FSHR: variants seen among roughly 807,000 people sequenced by gnomAD.
FSHR encodes the protein follicle-stimulating hormone receptor.
In FSHR, 46 loss-of-function variants were observed where a neutral mutation model predicts 52.1. That is an observed-to-expected ratio of 0.88 (90% confidence interval 0.70 to 1.13). The LOEUF is 1.13. Ranked by LOEUF, FSHR falls within the 50% of genes most tolerant of loss-of-function variation. The pLI is 0.00. For synonymous variants in FSHR, 399 were observed against 309.6 expected (o/e 1.29, Z -3.03); for missense variants, 964 against 834.6 (o/e 1.16, Z -1.91).
At chr2:49,113,141 C>G (rs1168118037) in intron 1 of FSHR, among the ~76,000 whole-genome samples, 1 of 152,142 alleles carries the variant, frequency 6.6e-6, no homozygotes, top group Admixed American at 6.6e-5. Flanking sequence ...TCTTCACTAC[C>G]AGCCTTGACT....
At chr2:49,021,520 C>T (rs1302424340) in intron 2 of FSHR, among the ~76,000 whole-genome samples, 1 of 151,562 alleles carries the variant, frequency 6.6e-6, no homozygotes, top group African/African-American at 2.4e-5. Flanking sequence ...TCTAGAAAGG[C>T]TCTTGATCAA....
chr2:49,061,215 C>T (rs1044139071), intron 2 of FSHR, among the ~76,000 whole-genome samples: 1 of 152,082 alleles, frequency 6.6e-6, no homozygotes, highest in Non-Finnish European at 1.5e-5. Flanking sequence ...CCTCAAGACC[C>T]AGGTGCCATA....
intron 2 of FSHR, among the ~76,000 whole-genome samples, chr2:49,056,338 T>C (rs921574780): frequency 7.3e-5 from 11 of 151,650 alleles, no homozygotes; most frequent in Admixed American, 6.6e-4. Context: ...GGAATAGCTA[T>C]ACTTACATCA....
At chr2:49,017,451 T>C in intron 4 of FSHR, 38 bp downstream of exon 4, 1 of 1,465,664 alleles carries the variant, frequency 6.8e-7, no homozygotes, top group South Asian at 1.1e-5. Context: ...TTGCACTATT[T>C]AATCATAGTG....
chr2:49,087,614 ACAGGATCAATCATG>A (rs1345746940), intron 1 of FSHR, among the ~76,000 whole-genome samples: 4 of 152,210 alleles, frequency 2.6e-5, no homozygotes, highest in Non-Finnish European at 5.9e-5. Flanking sequence ...TGGAATGAAA[ACAGGATCAATCATG>A]CATAAAGTAA....
intron 4 of FSHR, among the ~76,000 whole-genome samples, chr2:49,007,455 T>G (rs1260384696): frequency 6.6e-6 from 1 of 152,104 alleles, no homozygotes; most frequent in African/African-American, 2.4e-5. Context: ...TGGAATTATT[T>G]TGAATAGGGA....
intron 3 of FSHR, 122 bp from the exon 4 acceptor site, chr2:49,017,685 T>C (rs1278790312): frequency 7.1e-6 from 5 of 700,414 alleles, no homozygotes; most frequent in African/African-American, 1.8e-5. Flanking sequence ...CATCTATTCA[T>C]CCATCCATCC....
At chr2:49,108,296 T>G (rs1671303660) in intron 1 of FSHR, among the ~76,000 whole-genome samples, 2 of 152,240 alleles carry the variant, frequency 1.3e-5, no homozygotes, top group Middle Eastern at 3.4e-3. Context: ...AGATTGTAGA[T>G]TGTGAGACTT....
intron 1 of FSHR, among the ~76,000 whole-genome samples, chr2:49,086,254 A>T (rs1670388172): frequency 6.6e-6 from 1 of 152,212 alleles, no homozygotes; most frequent in Non-Finnish European, 1.5e-5. Context: ...GAGAAATTTG[A>T]ATAGGTGCCA....
At chr2:49,065,928 C>A (rs926876789) in intron 2 of FSHR, among the ~76,000 whole-genome samples, 14 of 151,976 alleles carry the variant, frequency 9.2e-5, no homozygotes, top group African/African-American at 3.1e-4. Flanking sequence ...AGAAGAATGA[C>A]ATTAATGGTT....
chr2:49,130,947 G>C (rs924388165), intron 1 of FSHR, among the ~76,000 whole-genome samples: 1 of 152,066 alleles, frequency 6.6e-6, no homozygotes, highest in African/African-American at 2.4e-5. Flanking sequence ...ATTCCGGGGA[G>C]GTAAATGGGC....
At chr2:49,128,937 C>G (rs991918679) in intron 1 of FSHR, among the ~76,000 whole-genome samples, 2 of 151,880 alleles carry the variant, frequency 1.3e-5, no homozygotes, top group African/African-American at 4.8e-5. Flanking sequence ...AAATTTTAGA[C>G]CAGAAAATTT....
chr2:49,053,474 T>C (rs1212626340), intron 2 of FSHR, among the ~76,000 whole-genome samples: 1 of 152,188 alleles, frequency 6.6e-6, no homozygotes, highest in East Asian at 1.9e-4. Flanking sequence ...AGCTGACATA[T>C]GGCTCCGAAG....
At chr2:48,967,616 C>T (rs1289792139) in intron 9 of FSHR, among the ~76,000 whole-genome samples, 1 of 152,152 alleles carries the variant, frequency 6.6e-6, no homozygotes, top group Non-Finnish European at 1.5e-5. Flanking sequence ...GATAATATCC[C>T]AATGATGCAT....
At chr2:49,061,238 G>A (rs186623176) in intron 2 of FSHR, among the ~76,000 whole-genome samples, 3 of 152,238 alleles carry the variant, frequency 2.0e-5, no homozygotes, top group Admixed American at 2.0e-4. Flanking sequence ...AGGTATGCAA[G>A]ACCATAAGCC....
intron 1 of FSHR, among the ~76,000 whole-genome samples, chr2:49,117,418 G>A (rs917747147): frequency 1.3e-5 from 2 of 152,152 alleles, no homozygotes; most frequent in Non-Finnish European, 2.9e-5. Flanking sequence ...GTGTACTGAT[G>A]AAAAGTTGGA....
chr2:48,977,879 G>A (rs1675063171), intron 8 of FSHR, among the ~76,000 whole-genome samples: 1 of 152,122 alleles, frequency 6.6e-6, no homozygotes, highest in Admixed American at 6.5e-5. Flanking sequence ...AAGCGGGGAG[G>A]GGTAGTTGTG....
intron 1 of FSHR, among the ~76,000 whole-genome samples, chr2:49,143,512 T>A (rs982842993): frequency 6.6e-6 from 1 of 152,114 alleles, no homozygotes; most frequent in African/African-American, 2.4e-5. Flanking sequence ...AGAGCCAGAT[T>A]GAGTGGGTGA....
chr2:49,034,629 G>A (rs1231261531), intron 2 of FSHR, among the ~76,000 whole-genome samples: 1 of 152,156 alleles, frequency 6.6e-6, no homozygotes, highest in African/African-American at 2.4e-5. Context: ...AAACTGTAAA[G>A]CATTTAACAC....
Sources: allele counts gnomAD v4.1 joint callset (sites outside exome capture counted in the v4.1 genomes callset), GRCh38; gene constraint gnomAD v4.1.1; transcripts MANE v1.5; gene names NCBI Gene and HGNC (gene_info 2026-07-23, HGNC 2026-07-21).